TNS1: variants seen among roughly 807,000 people sequenced by gnomAD.
The protein encoded by TNS1 is tensin-1.
In TNS1, 62 loss-of-function variants were observed where a neutral mutation model predicts 168.6. The ratio of observed to expected loss-of-function variants is 0.37; its 90% CI spans 0.30 to 0.45. TNS1 has a LOEUF of 0.45. TNS1 is among the 20% of genes least tolerant of loss of function. The pLI is 1.00. For missense variants in TNS1, 2,240 were observed against 2,339.4 expected, an observed-to-expected ratio of 0.96 and a Z score of 0.88; for synonymous variants, 934 against 933.2, an observed-to-expected ratio of 1.00 and a Z score of -0.02.
intron 6 of TNS1, chr2:217,903,924 G>A (rs962573384): frequency 2.6e-6 from 1 of 386,692 alleles, no homozygotes. Context: ...GCCTCTGTGG[G>A]AAGAGCCCTG....
At chr2:217,976,163 T>C (rs931289904) in intron 3 of TNS1, among the ~76,000 whole-genome samples, 3 of 152,128 alleles carry the variant, frequency 2.0e-5, no homozygotes, top group Non-Finnish European at 4.4e-5. Flanking sequence ...CCTTCAAAAC[T>C]TGTTTGCCTA....
At chr2:218,017,892 G>A (rs1354680347) in intron 1 of TNS1, among the ~76,000 whole-genome samples, 1 of 152,192 alleles carries the variant, frequency 6.6e-6, no homozygotes, top group Non-Finnish European at 1.5e-5. Flanking sequence ...CCCCGCCAGA[G>A]CCCTCAGCCA....
intron 12 of TNS1, among the ~76,000 whole-genome samples, chr2:217,888,392 A>T (rs3828284): frequency 0.072 from 11,017 of 152,190 alleles, 567 homozygotes; most frequent in African/African-American, 0.14. Flanking sequence ...GCACTTCCAC[A>T]TCTGGGCTCA....
chr2:217,937,176 C>G (rs1297555809), intron 3 of TNS1: 1 of 214,518 alleles, frequency 4.7e-6, no homozygotes, highest in African/African-American at 1.9e-4. Context: ...AACACTCTGT[C>G]TACTCCCCTA....
intron 1 of TNS1, among the ~76,000 whole-genome samples, chr2:217,991,266 A>G (rs1227323251): frequency 1.3e-5 from 2 of 152,146 alleles, no homozygotes; most frequent in Admixed American, 1.3e-4. Context: ...CCATGGCCTG[A>G]GTCCAGACGG....
chr2:217,891,169 G>T, intron 11 of TNS1, 124 bp from the exon 12 acceptor site: 1 of 853,968 alleles, frequency 1.2e-6, no homozygotes, highest in Non-Finnish European at 1.9e-6. Context: ...GTCCTGGAGG[G>T]AAGACAAGCC....
chr2:217,818,272 G>A lies in TNS1; in HGVS notation c.4060C>T (p.Pro1354Ser), dbSNP rs998584293. The change falls in exon 24 of 33, where the codon CCA (proline) becomes TCA (serine). Residue 1354 changes from proline (P) to serine (S), a missense_variant. Pro to Ser is a moderately conservative substitution (Grantham distance 74). Around this residue, in one of 2 missense-constraint regions of TNS1, gnomAD observed 2,131 missense variants for 2,171.2 expected, o/e 0.98. Transcript: ENST00000682258. ...CCAGAAACCTGGTAGACCCCTGCTGGGTGCCGACACAGGCTGGGGCTCCCC... is the reference window on the plus strand; with the variant it reads ...CCAGAAACCTGGTAGACCCCTGCTGAGTGCCGACACAGGCTGGGGCTCCCC... ...TPGSPSLCRHPAGVYQVSGLH... is the reference protein window; with the variant it reads ...TPGSPSLCRHSAGVYQVSGLH... The A allele has an allele frequency of 1.2e-6, 2 of 1,613,660 alleles. No individual in the cohort carries two copies. Among genetic ancestry groups the A allele is most frequent in the Non-Finnish European group, 1.7e-6 (2 of 1,179,736 alleles).
chr2:217,991,206 C>T, intron 1 of TNS1, 150 bp from the exon 2 acceptor site: 1 of 438,618 alleles, frequency 2.3e-6, no homozygotes, highest in Non-Finnish European at 4.1e-6. Flanking sequence ...GGCCCAGGGA[C>T]AGAGAAAGGT....
At chr2:217,962,471 T>C (rs574609464) in intron 3 of TNS1, among the ~76,000 whole-genome samples, 1 of 152,078 alleles carries the variant, frequency 6.6e-6, no homozygotes, top group South Asian at 2.1e-4. Flanking sequence ...TTAAGAACCA[T>C]GGGTCCTACC....
chr2:217,805,635 CCACACACAT>C (rs1274064847), intron 32 of TNS1, among the ~76,000 whole-genome samples: 1 of 17,788 alleles, frequency 5.6e-5, no homozygotes, highest in East Asian at 1.4e-3. Flanking sequence ...ACCATCACAC[CCACACACAT>C]CACACACACA....
intron 30 of TNS1, among the ~76,000 whole-genome samples, chr2:217,809,523 A>C (rs370119200): frequency 1.3e-4 from 1 of 7,476 alleles, no homozygotes; most frequent in Admixed American, 1.5e-3. Context: ...ATGGATGGAT[A>C]GGTGCATGGA....
At chr2:218,006,844 G>A (rs1958662570), upstream of TNS1, among the ~76,000 whole-genome samples, 1 of 152,050 alleles carries the variant, frequency 6.6e-6, no homozygotes, top group South Asian at 2.1e-4. Context: ...CACTCTGAAG[G>A]TCCAAGCGAA....
At chr2:217,906,287 TG>T in intron 6 of TNS1, 47 bp downstream of exon 6, 3 of 317,316 alleles carry the variant, frequency 9.5e-6, no homozygotes, top group Non-Finnish European at 1.8e-5. Flanking sequence ...CCATTCCCCC[TG>T]GCCACCAGGG....
intron 3 of TNS1, among the ~76,000 whole-genome samples, chr2:217,960,790 A>G (rs537025344): frequency 6.6e-6 from 1 of 152,008 alleles, no homozygotes; most frequent in Non-Finnish European, 1.5e-5. Context: ...GACAACCCCA[A>G]TTCCCTCCAG....
At chr2:217,824,735 C>A (rs911722016) in intron 22 of TNS1, among the ~76,000 whole-genome samples, 34 of 152,202 alleles carry the variant, frequency 2.2e-4, no homozygotes, top group African/African-American at 7.0e-4. Flanking sequence ...CCACTCTCCC[C>A]TCCCGTCTCT....
At chr2:217,863,829 G>A (rs1255894359) in intron 18 of TNS1, among the ~76,000 whole-genome samples, 3 of 152,120 alleles carry the variant, frequency 2.0e-5, no homozygotes, top group African/African-American at 7.2e-5. Context: ...AGGTTCAAAC[G>A]TCTGGGGATA....
upstream of TNS1, chr2:218,003,065 C>G (rs532194861): frequency 1.8e-5 from 7 of 398,144 alleles, no homozygotes; most frequent in Admixed American, 1.3e-4. Context: ...CTCCACCCCT[C>G]GTCCCAGCCT....
intron 3 of TNS1, among the ~76,000 whole-genome samples, chr2:217,939,922 C>A (rs972623967): frequency 6.6e-6 from 1 of 152,228 alleles, no homozygotes; most frequent in African/African-American, 2.4e-5. Context: ...GTAGAGGCTG[C>A]ACTGGGGCTC....
chr2:217,874,575 G>A (rs921313387), intron 18 of TNS1, among the ~76,000 whole-genome samples: 1 of 152,168 alleles, frequency 6.6e-6, no homozygotes, highest in Non-Finnish European at 1.5e-5. Flanking sequence ...CCAAGAGTGG[G>A]GTTCCCAGAA....
Sources: allele counts gnomAD v4.1 joint callset (sites outside exome capture counted in the v4.1 genomes callset), GRCh38; gene constraint gnomAD v4.1.1; regional missense constraint gnomAD v4.1.1; transcripts MANE v1.5; gene names NCBI Gene and HGNC (gene_info 2026-07-23, HGNC 2026-07-21).